Variants in RPTOR observed in about 807,000 individuals in gnomAD.
RPTOR encodes regulatory associated protein of MTOR complex 1, also known as regulatory-associated protein of mTOR.
Under a neutral mutation model 169.9 loss-of-function variants are expected in RPTOR, and 21 were observed. That is an observed-to-expected ratio of 0.12 (90% CI 0.09 to 0.18). The LOEUF (loss-of-function observed/expected upper bound fraction) is 0.18, where lower values mean the gene tolerates loss of function less well. RPTOR is among the 10% of genes least tolerant of loss of function. The pLI, the probability that RPTOR is intolerant of heterozygous loss-of-function variation, is 1.00. For synonymous variants in RPTOR, 732 were observed against 753.2 expected (o/e 0.97, Z 0.46); for missense variants, 1,133 against 1,855.9 (o/e 0.61, Z 7.16).
rs1430605286 is a variant in RPTOR at position 80,959,179 on chromosome 17, G to A, written c.3478-899G>A. On this transcript the variant is annotated intron_variant, in intron 29 of 33. Transcript: ENST00000306801. This position sits in a 1 kb window ranked among gnomAD's most constrained non-coding sequence, Gnocchi z 6.7. The stretch of plus-strand genomic sequence containing the variant: ...CAGCCTCCCCTCTGACGTGACCGTG[G>A]ATCCCTCGAGGCACCAGCAGCTTTC... Among the ~76,000 whole-genome samples, 1 of 152,250 alleles carries A rather than the reference G, an allele frequency of 6.6e-6. No homozygotes were observed. The highest frequency in any genetic ancestry group is 1.5e-5 in the Non-Finnish European group (1 of 68,042).
At chr17:80,694,680 G>A (rs970339814) in intron 3 of RPTOR, among the ~76,000 whole-genome samples, 1 of 152,232 alleles carries the variant, frequency 6.6e-6, no homozygotes, top group Non-Finnish European at 1.5e-5. Context: ...ACTTAAGTAA[G>A]GAGGAGTGAT....
chr17:80,732,457 T>C (rs2066400938), intron 5 of RPTOR, among the ~76,000 whole-genome samples: 1 of 152,200 alleles, frequency 6.6e-6, no homozygotes, highest in Non-Finnish European at 1.5e-5. Context: ...CCTAAGACAC[T>C]GTTCATTTCA....
Position 80,957,794 on chromosome 17 carries a change from GT to G in RPTOR, c.3477+65del. 2 of 1,457,394 alleles carry G rather than the reference GT, an allele frequency of 1.4e-6. No individual in the cohort carries two copies. The highest frequency in any genetic ancestry group is 1.9e-6 in the Non-Finnish European group (2 of 1,040,458). 90.3% of individuals were successfully genotyped at this position (1,457,394 alleles called of 1,614,324 possible). A position where few individuals can be genotyped will look rare whatever the true frequency, so the allele number is the denominator to read the frequency against. On this transcript the variant is annotated intron_variant, in intron 29 of 33. Coordinates refer to ENST00000306801, the MANE Select transcript of RPTOR (RefSeq NM_020761.3). This position sits in a 1 kb window ranked among gnomAD's most constrained non-coding sequence, Gnocchi z 4.6. ...GGCAGTGTGTGCAGGGCTGGTCCTC[GT>G]CACAGAACCCAGCAAAGTGTGCGGT...
chr17:80,660,989 C>A (rs745973151), intron 3 of RPTOR, among the ~76,000 whole-genome samples: 16 of 152,244 alleles, frequency 1.1e-4, no homozygotes, highest in Non-Finnish European at 2.1e-4. Flanking sequence ...GGGTTTTCCT[C>A]TCCCTCTGCT....
intron 1 of RPTOR, among the ~76,000 whole-genome samples, chr17:80,579,293 A>G (rs1364026854): frequency 6.6e-6 from 1 of 152,178 alleles, no homozygotes; most frequent in East Asian, 1.9e-4. Flanking sequence ...TCCCGGGTTC[A>G]AGCGATTCTT....
Position 80,845,101 on chromosome 17 carries a change from G to A in RPTOR, c.1213-1372G>A, listed in dbSNP as rs917638170. On this transcript the variant is annotated intron_variant, in intron 10 of 33. Coordinates refer to ENST00000306801, the MANE Select transcript of RPTOR (RefSeq NM_020761.3). The surrounding 1 kb of genome is among the most constrained non-coding windows in gnomAD (Gnocchi z 5.4). ...TGCTCCTGCCTGGCCGCTCAGTTCC[G>A]AGACCTTCCAACGGCAGCCTCCCCT... is the stretch of plus-strand genomic sequence containing the variant. Among the ~76,000 whole-genome samples, 3 of 152,024 alleles carry A rather than the reference G, an allele frequency of 2.0e-5. No homozygotes were observed. Among genetic ancestry groups the A allele is most frequent in the East Asian group, 3.9e-4 (2 of 5,142 alleles).
chr17:80,956,392 T>C (rs1201694656), intron 28 of RPTOR, among the ~76,000 whole-genome samples: 1 of 152,250 alleles, frequency 6.6e-6, no homozygotes, highest in Non-Finnish European at 1.5e-5. Context: ...TGGGGGTTGC[T>C]CTGCTCTGTC....
At chr17:80,782,426 A>AAAGAAC (rs2066950663) in intron 6 of RPTOR, among the ~76,000 whole-genome samples, 1 of 151,956 alleles carries the variant, frequency 6.6e-6, no homozygotes, top group East Asian at 1.9e-4. Flanking sequence ...ACTGAGTTTT[A>AAAGAAC]TGGGTTTGCC....
intron 2 of RPTOR, among the ~76,000 whole-genome samples, chr17:80,634,950 G>A (rs932919506): frequency 2.0e-5 from 3 of 152,296 alleles, no homozygotes; most frequent in Non-Finnish European, 2.9e-5. Context: ...TACTATGTGC[G>A]TGTGCTTCTC....
chr17:80,737,407 A>G (rs1460047222), intron 5 of RPTOR, among the ~76,000 whole-genome samples: 1 of 152,116 alleles, frequency 6.6e-6, no homozygotes, highest in African/African-American at 2.4e-5. Context: ...TCTTTAGAGG[A>G]AAAAAACCCA....
chr17:80,619,643 G>A (rs1005793251), intron 1 of RPTOR, among the ~76,000 whole-genome samples: 4 of 152,124 alleles, frequency 2.6e-5, no homozygotes, highest in Admixed American at 1.3e-4. Context: ...TGGTGGCAAC[G>A]CTTGGCCTGA....
chr17:80,893,675 G>A lies in RPTOR; in HGVS notation c.2243-32G>A. ...TAAGACCAAAAGGAGGGTCCCGGGA[G>A]CACCCCACTGACCCCGTTGCGTCTC... On this transcript the variant is annotated intron_variant, in intron 19 of 33. Transcript: ENST00000306801. 3.1e-6 allele frequency: 5 copies of A among 1,593,454 alleles called. No homozygotes were observed. The South Asian group carries it at 5.6e-5, about 18-fold the overall frequency.
At chr17:80,665,375 T>C (rs1598203753) in intron 3 of RPTOR, among the ~76,000 whole-genome samples, 1 of 5,302 alleles carries the variant, frequency 1.9e-4, no homozygotes, top group Non-Finnish European at 2.8e-4. Context: ...TTCCTTTCCT[T>C]TCCTTTCCTT....
At chr17:80,712,024 G>A (rs570083897) in intron 4 of RPTOR, among the ~76,000 whole-genome samples, 7 of 152,142 alleles carry the variant, frequency 4.6e-5, no homozygotes, top group Admixed American at 1.3e-4. Context: ...GATTACAGGC[G>A]TGAGCCACCG....
At chr17:80,750,019 TA>T (rs904676547) in intron 5 of RPTOR, among the ~76,000 whole-genome samples, 2 of 151,442 alleles carry the variant, frequency 1.3e-5, no homozygotes, top group Non-Finnish European at 2.9e-5. Context: ...CCTGGCTAAT[TA>T]AAAAAAAATT....
At chr17:80,644,235 T>C (rs1178377934) in intron 3 of RPTOR, among the ~76,000 whole-genome samples, 1 of 152,044 alleles carries the variant, frequency 6.6e-6, no homozygotes, top group Non-Finnish European at 1.5e-5. Flanking sequence ...AAGATAACAC[T>C]TATTATATGC....
chr17:80,815,262 A>G (rs2067311373), intron 7 of RPTOR, among the ~76,000 whole-genome samples: 1 of 152,186 alleles, frequency 6.6e-6, no homozygotes, highest in East Asian at 1.9e-4. Flanking sequence ...TGCTGGCCCC[A>G]TAGAGAGAGA....
At chr17:80,822,756 G>A (rs748237978) in intron 8 of RPTOR, among the ~76,000 whole-genome samples, 3 of 148,636 alleles carry the variant, frequency 2.0e-5, no homozygotes, top group Non-Finnish European at 4.4e-5. Context: ...GCATATTTGT[G>A]TGTGTGTATT....
intron 11 of RPTOR, among the ~76,000 whole-genome samples, chr17:80,847,094 G>A (rs763273072): frequency 2.0e-4 from 30 of 152,270 alleles, no homozygotes; most frequent in African/African-American, 6.8e-4. Flanking sequence ...GCCCAGCGCC[G>A]TAGGTTATGC....
Sources: allele counts gnomAD v4.1 joint callset (sites outside exome capture counted in the v4.1 genomes callset), GRCh38; gene constraint gnomAD v4.1.1; non-coding constraint Gnocchi (gnomAD v3.1); transcripts MANE v1.5; gene names NCBI Gene and HGNC (gene_info 2026-07-23, HGNC 2026-07-21).